Variants in NKAIN2 observed in about 807,000 individuals in gnomAD.
NKAIN2 encodes the protein sodium/potassium-transporting ATPase subunit beta-1-interacting protein 2.
A neutral mutation model predicts 32.6 loss-of-function variants in NKAIN2; 14 were observed. The observed-to-expected ratio is 0.43, with a 90% confidence interval of 0.28 to 0.67. NKAIN2 has a LOEUF of 0.67. Ranked by LOEUF, NKAIN2 falls within the 30% of genes least tolerant of loss-of-function variation. The pLI, the probability that NKAIN2 is intolerant of heterozygous loss-of-function variation, is 0.17. For missense variants in NKAIN2, 198 were observed against 258.3 expected (o/e 0.77, Z 1.60); for synonymous variants, 80 against 87.2 (o/e 0.92, Z 0.46).
At chr6:123,937,170 G>C (rs987738184) in intron 1 of NKAIN2, among the ~76,000 whole-genome samples, 2 of 152,080 alleles carry the variant, frequency 1.3e-5, no homozygotes, top group Non-Finnish European at 2.9e-5. Flanking sequence ...AGGTATATGA[G>C]CCTTAAGAAG....
chr6:123,870,281 TG>T, intron 1 of NKAIN2, among the ~76,000 whole-genome samples: 1 of 152,146 alleles, frequency 6.6e-6, no homozygotes, highest in Middle Eastern at 3.4e-3. Flanking sequence ...TGGTGTGTGT[TG>T]GGGGGAGTTG....
chr6:124,736,722 C>T (rs1776964762), intron 4 of NKAIN2, among the ~76,000 whole-genome samples: 1 of 151,924 alleles, frequency 6.6e-6, no homozygotes, highest in Non-Finnish European at 1.5e-5. Context: ...TTTAAGCCCA[C>T]TATTGTGACT....
chr6:124,468,502 G>A (rs1237601546), intron 3 of NKAIN2, among the ~76,000 whole-genome samples: 1 of 152,078 alleles, frequency 6.6e-6, no homozygotes, highest in African/African-American at 2.4e-5. Context: ...ATGGGAAAAA[G>A]TGGCTTTACC....
chr6:124,296,127 C>A (rs1268818832), intron 2 of NKAIN2, among the ~76,000 whole-genome samples: 2 of 152,060 alleles, frequency 1.3e-5, no homozygotes, highest in Non-Finnish European at 2.9e-5. Context: ...ACATTCACCA[C>A]CTTGGATGCA....
At chr6:123,940,383 TACAC>T (rs112837392) in intron 1 of NKAIN2, among the ~76,000 whole-genome samples, 3 of 146,988 alleles carry the variant, frequency 2.0e-5, no homozygotes, top group African/African-American at 7.9e-5. Flanking sequence ...TATATATAGA[TACAC>T]ACACACACAC....
At chr6:124,759,648 CACA>C (rs1562367795) in intron 4 of NKAIN2, among the ~76,000 whole-genome samples, 1 of 97,944 alleles carries the variant, frequency 1.0e-5, no homozygotes, top group African/African-American at 3.2e-5. Context: ...CACACACACA[CACA>C]CACACCCCCT....
intron 1 of NKAIN2, among the ~76,000 whole-genome samples, chr6:124,032,561 T>G (rs891357932): frequency 1.3e-5 from 2 of 152,024 alleles, no homozygotes; most frequent in Admixed American, 6.6e-5. Context: ...CATTATTTGA[T>G]AAAGGTAAGT....
chr6:124,630,194 T>C (rs527326637), intron 3 of NKAIN2, among the ~76,000 whole-genome samples: 5 of 152,138 alleles, frequency 3.3e-5, no homozygotes, highest in Admixed American at 6.6e-5. Context: ...CACTTCAGGA[T>C]TGGGGAGTGA....
intron 3 of NKAIN2, among the ~76,000 whole-genome samples, chr6:124,600,380 C>T (rs934335939): frequency 6.6e-6 from 1 of 151,966 alleles, no homozygotes; most frequent in Non-Finnish European, 1.5e-5. Context: ...CTGATTGAAC[C>T]TAAATTTTAT....
chr6:123,860,707 G>A (rs1183403230), intron 1 of NKAIN2, among the ~76,000 whole-genome samples: 5 of 152,148 alleles, frequency 3.3e-5, no homozygotes, highest in South Asian at 2.1e-4. Context: ...ACCATGCGTG[G>A]CAATAGTGTA....
chr6:123,857,454 T>C (rs1021601089), intron 1 of NKAIN2, among the ~76,000 whole-genome samples: 4 of 152,122 alleles, frequency 2.6e-5, no homozygotes, highest in African/African-American at 9.7e-5. Context: ...TGTATAAACA[T>C]GCAACTATGT....
intron 1 of NKAIN2, among the ~76,000 whole-genome samples, chr6:123,903,282 A>G (rs968813452): frequency 6.6e-6 from 1 of 152,086 alleles, no homozygotes. Context: ...GTGAATCTAA[A>G]TTTGTTTTTT....
intron 2 of NKAIN2, among the ~76,000 whole-genome samples, chr6:124,311,436 A>G (rs775599841): frequency 2.6e-5 from 4 of 152,252 alleles, no homozygotes; most frequent in Non-Finnish European, 4.4e-5. Flanking sequence ...ACATGCTTCC[A>G]TTGTGTGGAT....
intron 1 of NKAIN2, among the ~76,000 whole-genome samples, chr6:124,136,033 G>GAAAAA (rs1786766382): frequency 6.6e-6 from 1 of 151,462 alleles, no homozygotes; most frequent in African/African-American, 2.4e-5. Flanking sequence ...ACAAAGATCA[G>GAAAAA]AGCAGAAAAA....
At chr6:123,885,834 A>T (rs1773685559) in intron 1 of NKAIN2, among the ~76,000 whole-genome samples, 1 of 152,044 alleles carries the variant, frequency 6.6e-6, no homozygotes, top group South Asian at 2.1e-4. Context: ...AATACAATTT[A>T]AAAAATGGTA....
chr6:124,178,912 C>A (rs1369754947), intron 1 of NKAIN2, among the ~76,000 whole-genome samples: 1 of 152,092 alleles, frequency 6.6e-6, no homozygotes, highest in African/African-American at 2.4e-5. Flanking sequence ...AAAATCAAGG[C>A]CTCTAAATGT....
intron 4 of NKAIN2, among the ~76,000 whole-genome samples, chr6:124,687,115 ATACT>A (rs1343609395): frequency 5.4e-5 from 8 of 149,120 alleles, no homozygotes; most frequent in African/African-American, 4.9e-5. Flanking sequence ...ATGTAAGTTA[ATACT>A]TAATAAGCTC....
At chr6:124,662,318 T>C (rs1784776864) in intron 4 of NKAIN2, among the ~76,000 whole-genome samples, 1 of 152,098 alleles carries the variant, frequency 6.6e-6, no homozygotes, top group South Asian at 2.1e-4. Context: ...TATATATATA[T>C]ATGTAAGCTT....
intron 3 of NKAIN2, among the ~76,000 whole-genome samples, chr6:124,561,998 C>T (rs976008401): frequency 6.6e-6 from 1 of 152,164 alleles, no homozygotes; most frequent in Admixed American, 6.5e-5. Flanking sequence ...TAGCGTCTGT[C>T]ATTGTGGAGA....
Sources: allele counts gnomAD v4.1 joint callset (sites outside exome capture counted in the v4.1 genomes callset), GRCh38; gene constraint gnomAD v4.1.1; transcripts MANE v1.5; gene names NCBI Gene and HGNC (gene_info 2026-07-23, HGNC 2026-07-21).